The following SEMA4D variants were observed in gnomAD, a reference collection of about 807,000 sequenced individuals.
The protein encoded by SEMA4D is semaphorin 4D, also known as semaphorin-4D.
SEMA4D carries 22 observed loss-of-function variants against 74.8 expected under a neutral mutation model. That is an observed-to-expected ratio of 0.29 (90% confidence interval 0.21 to 0.42). The LOEUF (loss-of-function observed/expected upper bound fraction) is 0.42, where lower values mean the gene tolerates loss of function less well. Among genes scored for constraint, SEMA4D ranks in the 10% least tolerant of loss-of-function variants. The pLI is 1.00. For missense variants in SEMA4D, 937 were observed against 1,118.4 expected (o/e 0.84, Z 2.31); for synonymous variants, 445 against 463.7 (o/e 0.96, Z 0.52).
intron 2 of SEMA4D, among the ~76,000 whole-genome samples, chr9:89,444,566 C>T (rs1038917419): frequency 4.6e-5 from 7 of 152,142 alleles, no homozygotes; most frequent in African/African-American, 9.7e-5. Flanking sequence ...GGTCAAAGGA[C>T]GGATTATTGA....
chr9:89,496,817 A>C (rs1177649961), intron 1 of SEMA4D, among the ~76,000 whole-genome samples: 2 of 152,146 alleles, frequency 1.3e-5, no homozygotes, highest in Non-Finnish European at 2.9e-5. Flanking sequence ...GTGACAGGCC[A>C]CTGGTGTCAC....
chr9:89,431,929 G>A (rs1232153169), intron 2 of SEMA4D, among the ~76,000 whole-genome samples: 1 of 152,178 alleles, frequency 6.6e-6, no homozygotes. Flanking sequence ...ATACAGTCAA[G>A]GCCCCAATAC....
At position 89,370,850 on chromosome 9, in the gene SEMA4D, G is replaced by A. The variant is rs118060101; in HGVS notation, c.1882+5983C>T. ...GTGTCTGGGGTGCGGTGTGTCGGGCGTGTGTGTGTGGGATGTGGCGTGTGG... is the reference window on the plus strand; with the variant it reads ...GTGTCTGGGGTGCGGTGTGTCGGGCATGTGTGTGTGGGATGTGGCGTGTGG... On this transcript the variant is annotated intron_variant, in intron 16 of 18. Coordinates refer to the SEMA4D transcript ENST00000339861. Among the ~76,000 whole-genome samples the A allele has an allele frequency of 3.5e-3, 500 of 143,942 alleles. 23 individuals carry two copies. In the East Asian group the frequency reaches 0.091, roughly 26 times the overall value. The allele number at this position is 143,942 out of a possible 152,430, so 94.4% of individuals were successfully genotyped here.
At chr9:89,392,604 C>T in intron 7 of SEMA4D, 68 bp from the exon 8 acceptor site, 1 of 942,678 alleles carries the variant, frequency 1.1e-6, no homozygotes, top group Non-Finnish European at 1.7e-6. Context: ...AACACTGGGA[C>T]AAACATTCAA....
At chr9:89,402,812 A>T in intron 4 of SEMA4D, 59 bp downstream of exon 4, 2 of 1,570,194 alleles carry the variant, frequency 1.3e-6, no homozygotes, top group Non-Finnish European at 1.7e-6. Flanking sequence ...CAGTGGGGCC[A>T]GGAGAGGCTG....
chr9:89,445,435 A>G (rs546913375), intron 2 of SEMA4D, among the ~76,000 whole-genome samples: 13 of 152,334 alleles, frequency 8.5e-5, no homozygotes, highest in African/African-American at 2.9e-4. Context: ...GAATTCTGAG[A>G]TCAGTTTCAC....
chr9:89,426,715 C>T (rs1359080545), intron 2 of SEMA4D, among the ~76,000 whole-genome samples: 1 of 152,192 alleles, frequency 6.6e-6, no homozygotes, highest in Non-Finnish European at 1.5e-5. Context: ...CCTCAGAGGC[C>T]ACAAGAACCT....
At chr9:89,362,223 G>A in exon 19 of SEMA4D, 1 of 1,022,214 alleles carries the variant, frequency 9.8e-7, no homozygotes, top group Non-Finnish European at 1.5e-6. Context: ...TGGGTTCCAG[G>A]CTTCTCCACT....
exon 19 of SEMA4D, chr9:89,362,081 C>A: frequency 3.8e-6 from 2 of 526,544 alleles, no homozygotes; most frequent in South Asian, 2.3e-5. Flanking sequence ...CTGCACACAC[C>A]CTGCTGTTTT....
intron 2 of SEMA4D, among the ~76,000 whole-genome samples, chr9:89,452,029 C>T (rs1435677120): frequency 6.6e-6 from 1 of 152,098 alleles, no homozygotes; most frequent in Admixed American, 6.6e-5. Flanking sequence ...ACCGACACAG[C>T]CACTGATAGG....
At chr9:89,363,235 C>T (rs554256722) in intron 18 of SEMA4D, among the ~76,000 whole-genome samples, 59 of 152,058 alleles carry the variant, frequency 3.9e-4, no homozygotes, top group Non-Finnish European at 8.4e-4. Flanking sequence ...GCCCCTTGAT[C>T]TCCTGCAGTC....
chr9:89,363,455 A>G (rs752013590), exon 18 of SEMA4D: 5 of 1,613,736 alleles, frequency 3.1e-6, no homozygotes, highest in Middle Eastern at 1.6e-4. Flanking sequence ...GCTCTGCATC[A>G]TCCGGTCGTG....
chr9:89,474,754 C>A (rs554971497), intron 1 of SEMA4D, among the ~76,000 whole-genome samples: 6 of 152,336 alleles, frequency 3.9e-5, no homozygotes, highest in Non-Finnish European at 8.8e-5. Context: ...GAGAAAAAAG[C>A]CAGACGGATT....
intron 1 of SEMA4D, among the ~76,000 whole-genome samples, chr9:89,495,202 C>A (rs1001922842): frequency 6.6e-6 from 1 of 152,154 alleles, no homozygotes; most frequent in African/African-American, 2.4e-5. Context: ...GGGGAAGCAG[C>A]AAGGCAGTAG....
At chr9:89,396,190 C>T (rs1840920457) in intron 6 of SEMA4D, among the ~76,000 whole-genome samples, 1 of 152,152 alleles carries the variant, frequency 6.6e-6, no homozygotes. Context: ...AGGAGTGGTT[C>T]AGTGAGCAAG....
intron 4 of SEMA4D, among the ~76,000 whole-genome samples, chr9:89,402,530 G>GT (rs1279635475): frequency 6.6e-6 from 1 of 152,142 alleles, no homozygotes; most frequent in Non-Finnish European, 1.5e-5. Flanking sequence ...GAAGAATGTG[G>GT]TGTCGGGATC....
chr9:89,408,115 T>G (rs1407197239), intron 2 of SEMA4D, among the ~76,000 whole-genome samples: 2 of 152,270 alleles, frequency 1.3e-5, no homozygotes, highest in Non-Finnish European at 1.5e-5. Flanking sequence ...AAAACAGAAG[T>G]TGACCTACTT....
chr9:89,410,152 C>T (rs934689863), intron 2 of SEMA4D, among the ~76,000 whole-genome samples: 1 of 152,080 alleles, frequency 6.6e-6, no homozygotes, highest in Non-Finnish European at 1.5e-5. Context: ...ATGCTGCTTT[C>T]GAGCTCCCAG....
intron 8 of SEMA4D, among the ~76,000 whole-genome samples, chr9:89,391,923 C>A (rs948822741): frequency 3.3e-5 from 5 of 152,178 alleles, no homozygotes; most frequent in Non-Finnish European, 5.9e-5. Context: ...TGGCTGGCAC[C>A]CACAAGAAAA....
Sources: allele counts gnomAD v4.1 joint callset (sites outside exome capture counted in the v4.1 genomes callset), GRCh38; gene constraint gnomAD v4.1.1; transcripts MANE v1.5; gene names NCBI Gene and HGNC (gene_info 2026-07-23, HGNC 2026-07-21).